NCOR2: variants seen among roughly 807,000 people sequenced by gnomAD.
The protein encoded by NCOR2 is nuclear receptor corepressor 2.
Under a neutral mutation model 262.9 loss-of-function variants are expected in NCOR2, and 81 were observed. The ratio of observed to expected loss-of-function variants is 0.31; its 90% CI spans 0.26 to 0.37. NCOR2 has a LOEUF of 0.37. Ranked by LOEUF, NCOR2 falls within the 10% of genes least tolerant of loss-of-function variation. NCOR2 has a pLI of 1.00. For missense variants in NCOR2, 3,385 were observed against 3,621.4 expected (o/e 0.93, Z 1.68); for synonymous variants, 1,659 against 1,559.3 (o/e 1.06, Z -1.51).
intron 3 of NCOR2, among the ~76,000 whole-genome samples, chr12:124,479,024 G>A (rs1274415114): frequency 6.6e-6 from 1 of 152,196 alleles, no homozygotes; most frequent in Non-Finnish European, 1.5e-5. Context: ...AGAACCCACA[G>A]AGCAACGGTA....
At chr12:124,423,764 CTCCCT>C (rs1200350431) in intron 11 of NCOR2, among the ~76,000 whole-genome samples, 1 of 152,232 alleles carries the variant, frequency 6.6e-6, no homozygotes, top group Non-Finnish European at 1.5e-5. Context: ...CCCTGTTCCC[CTCCCT>C]CAATACCTCA....
chr12:124,507,300 C>G (rs1421284938), intron 1 of NCOR2, among the ~76,000 whole-genome samples: 1 of 152,214 alleles, frequency 6.6e-6, no homozygotes, highest in African/African-American at 2.4e-5. Flanking sequence ...ATTCTTAACA[C>G]TACTGAATTA....
intron 18 of NCOR2, among the ~76,000 whole-genome samples, chr12:124,374,703 G>GT (rs1864825513): frequency 6.6e-6 from 1 of 152,254 alleles, no homozygotes; most frequent in Admixed American, 6.5e-5. Context: ...CCAATGGCCT[G>GT]TTCAAGGCCA....
intron 22 of NCOR2, among the ~76,000 whole-genome samples, chr12:124,361,122 C>CAAAAAAA (rs33951841): frequency 8.2e-6 from 1 of 122,512 alleles, no homozygotes. Flanking sequence ...CCGTCTCAAA[C>CAAAAAAA]AAAAAAAAAA....
At chr12:124,430,442 T>G (rs1019857519) in intron 9 of NCOR2, among the ~76,000 whole-genome samples, 173 bp downstream of exon 11, 14 of 152,208 alleles carry the variant, frequency 9.2e-5, no homozygotes, top group African/African-American at 3.4e-4. Flanking sequence ...CAAGTAAGTA[T>G]TAGGCCAAAG....
chr12:124,558,271 C>G (rs145548323), intron 1 of NCOR2, among the ~76,000 whole-genome samples: 4 of 151,304 alleles, frequency 2.6e-5, no homozygotes, highest in African/African-American at 4.9e-5. Context: ...CACCCACCCC[C>G]CCTCCAGACC....
intron 1 of NCOR2, among the ~76,000 whole-genome samples, chr12:124,557,452 C>T (rs543090560): frequency 1.7e-4 from 26 of 152,200 alleles, no homozygotes; most frequent in Non-Finnish European, 2.5e-4. Context: ...CATTATCGCA[C>T]GGCCTTCTCC....
rs577198455 is a variant in NCOR2 at position 124,359,550 on chromosome 12, TGGAGG to T, written c.3100+2571_3100+2575del. 3.3e-4 allele frequency among the ~76,000 whole-genome samples: 50 copies of T among 152,324 alleles called. 1 individual carries two copies. The South Asian group carries it at 9.5e-3, about 29-fold the overall frequency. On this transcript the variant is annotated intron_variant, in intron 22 of 46. Coordinates refer to ENST00000405201, the Ensembl canonical transcript of NCOR2. ...ATTCTCATTCTTAACCAGTCCCCAGTGGAGGCACCTGTACAGGGCCTGCCTCACAT... is the reference window on the plus strand; with the variant it reads ...ATTCTCATTCTTAACCAGTCCCCAGTCACCTGTACAGGGCCTGCCTCACAT...
At chr12:124,540,246 C>G (rs837460), upstream of NCOR2, among the ~76,000 whole-genome samples, 1 of 148,480 alleles carries the variant, frequency 6.7e-6, no homozygotes, top group Non-Finnish European at 1.5e-5. Context: ...GCAGGGAGGG[C>G]CCCCTGCAGG....
chr12:124,544,841 G>C (rs1233474245), intron 1 of NCOR2, among the ~76,000 whole-genome samples: 1 of 151,974 alleles, frequency 6.6e-6, no homozygotes, highest in African/African-American at 2.4e-5. Context: ...CTTGGCAGGA[G>C]ACTGCGACCC....
chr12:124,464,061 T>C (rs2046312587), intron 5 of NCOR2, among the ~76,000 whole-genome samples: 2 of 152,096 alleles, frequency 1.3e-5, no homozygotes, highest in Non-Finnish European at 2.9e-5. Context: ...AATAAATAAG[T>C]AAAACAGAAA....
exon 39 of NCOR2, chr12:124,335,540 G>T: frequency 6.2e-7 from 1 of 1,609,346 alleles, no homozygotes. Flanking sequence ...TCTTCCAGGT[G>T]CTTGGGGAGC....
At chr12:124,502,262 C>T (rs2048784466) in intron 1 of NCOR2, among the ~76,000 whole-genome samples, 1 of 152,230 alleles carries the variant, frequency 6.6e-6, no homozygotes, top group African/African-American at 2.4e-5. Flanking sequence ...GTGGCTCACT[C>T]TGTCTACCAC....
At chr12:124,537,622 A>C (rs934646786), upstream of NCOR2, among the ~76,000 whole-genome samples, 2 of 151,600 alleles carry the variant, frequency 1.3e-5, no homozygotes, top group African/African-American at 4.9e-5. Context: ...CCTCAGTGCC[A>C]GTGTGTGCCA....
chr12:124,396,941 C>T (rs534501058), intron 16 of NCOR2, among the ~76,000 whole-genome samples: 2 of 152,188 alleles, frequency 1.3e-5, no homozygotes, highest in Admixed American at 6.5e-5. Context: ...ACAAAGAAAC[C>T]GCACGTCACA....
intron 42 of NCOR2, 23 bp downstream of exon 44, chr12:124,333,107 A>G: frequency 6.3e-7 from 1 of 1,579,548 alleles, no homozygotes; most frequent in Admixed American, 1.8e-5. Context: ...TCCCGGGGGC[A>G]GCGCATGTGC....
chr12:124,547,688 T>C (rs2051582678), intron 1 of NCOR2, among the ~76,000 whole-genome samples: 1 of 152,044 alleles, frequency 6.6e-6, no homozygotes. Flanking sequence ...TTCCAGCCTC[T>C]GGCAACCACC....
At chr12:124,561,464 C>T (rs565872067) in intron 1 of NCOR2, among the ~76,000 whole-genome samples, 2 of 152,340 alleles carry the variant, frequency 1.3e-5, no homozygotes, top group African/African-American at 4.8e-5. Context: ...CAATGCCCCA[C>T]GTGGCTGTTA....
chr12:124,489,642 T>C (rs2047972166), intron 1 of NCOR2, among the ~76,000 whole-genome samples: 1 of 149,270 alleles, frequency 6.7e-6, no homozygotes, highest in Non-Finnish European at 1.5e-5. Context: ...CTCAGAGGGT[T>C]CTCCCTGACC....
Sources: allele counts gnomAD v4.1 joint callset (sites outside exome capture counted in the v4.1 genomes callset), GRCh38; gene constraint gnomAD v4.1.1; transcripts MANE v1.5; gene names NCBI Gene and HGNC (gene_info 2026-07-23, HGNC 2026-07-21).